DBT: variants seen among roughly 807,000 people sequenced by gnomAD.
The protein encoded by DBT is dihydrolipoamide branched chain transacylase E2.
In DBT, 40 loss-of-function variants were observed where a neutral mutation model predicts 51.3. The ratio of observed to expected loss-of-function variants is 0.78; its 90% confidence interval spans 0.61 to 1.02. DBT has a LOEUF of 1.02. DBT is among the 50% of genes least tolerant of loss of function. The pLI is 0.00. For missense variants in DBT, 510 were observed against 580.2 expected (o/e 0.88, Z 1.24); for synonymous variants, 181 against 190.4 (o/e 0.95, Z 0.41).
intron 10 of DBT, among the ~76,000 whole-genome samples, chr1:100,201,093 A>G (rs532091235): frequency 1.3e-5 from 2 of 152,214 alleles, no homozygotes; most frequent in Admixed American, 1.3e-4. Flanking sequence ...TTCAGGTAAT[A>G]ACAAACTCCT....
chr1:100,221,159 T>C (rs1242143573), intron 4 of DBT, among the ~76,000 whole-genome samples: 1 of 152,218 alleles, frequency 6.6e-6, no homozygotes, highest in Admixed American at 6.5e-5. Context: ...ATATATTACC[T>C]ACATAGTACT....
intron 10 of DBT, among the ~76,000 whole-genome samples, chr1:100,205,075 G>A (rs531413905): frequency 2.0e-5 from 3 of 152,260 alleles, no homozygotes; most frequent in African/African-American, 4.8e-5. Context: ...ATCACCAAAA[G>A]CAATTGCAAC....
chr1:100,229,581 T>C (rs1351933096), intron 4 of DBT, among the ~76,000 whole-genome samples: 1 of 152,174 alleles, frequency 6.6e-6, no homozygotes, highest in Non-Finnish European at 1.5e-5. Flanking sequence ...AAAAAAAAGA[T>C]TGTAATATTA....
intron 2 of DBT, among the ~76,000 whole-genome samples, chr1:100,236,769 A>AT (rs1339998269): frequency 6.6e-6 from 1 of 152,242 alleles, no homozygotes; most frequent in Non-Finnish European, 1.5e-5. Flanking sequence ...ACACAAAAAC[A>AT]AGAAAATATA....
At chr1:100,211,210 A>G in intron 7 of DBT, 4 of 711,184 alleles carry the variant, frequency 5.6e-6, no homozygotes, top group Non-Finnish European at 1.0e-5. Flanking sequence ...CGCACTGACC[A>G]GTAGATGCCA....
chr1:100,210,915 A>G, intron 7 of DBT, 144 bp from the exon 8 acceptor site: 1 of 1,519,594 alleles, frequency 6.6e-7, no homozygotes, highest in Non-Finnish European at 8.9e-7. Context: ...GTACCTAGTC[A>G]CATTACTGCC....
rs1381469477 is a variant in DBT at position 100,192,713 on chromosome 1, C to G, written c.*3542G>C. On this transcript the variant is annotated 3_prime_UTR_variant, in exon 11 of 11. Transcript: ENST00000370132. ...CATTTTGATCTCTAAAATATAAATT[C>G]ATACCAATTTTAGCTTCCATCCTCA... 1 of 152,170 alleles carries G rather than the reference C, an allele frequency of 6.6e-6. No homozygotes were observed. The highest frequency in any genetic ancestry group is 2.4e-5 in the African/African-American group (1 of 41,430). 9.4% of individuals were successfully genotyped at this position (152,170 alleles called of 1,614,324 possible).
At position 100,218,718 on chromosome 1, in the gene DBT, C is replaced by A. The variant is rs775069181; in HGVS notation, c.463G>T (p.Ala155Ser). ...TGTGTATGTTCATCATGAGACACTG[C>A]AGGAGTTTCAACAACATCTTCTTCT... ...DSEEDVVETP[A>S]VSHDEHTHQE... Residue 155 changes from alanine (A) to serine (S), a missense_variant, in exon 5 of 11, where the codon GCA becomes TCA. Transcript: ENST00000370132. 1 of 1,613,798 alleles carries A rather than the reference C, an allele frequency of 6.2e-7. No individual in the cohort carries two copies. The highest frequency in any genetic ancestry group is 1.1e-5 in the South Asian group (1 of 91,058).
intron 4 of DBT, among the ~76,000 whole-genome samples, chr1:100,224,843 C>G (rs373068315): frequency 1.3e-5 from 2 of 151,006 alleles, no homozygotes; most frequent in Non-Finnish European, 3.0e-5. Flanking sequence ...GGTGAAACCC[C>G]GTCTCTACTA....
intron 7 of DBT, 77 bp downstream of exon 7, chr1:100,214,740 G>A: frequency 6.7e-7 from 1 of 1,494,448 alleles, no homozygotes; most frequent in African/African-American, 1.4e-5. Context: ...GGTGACAAGA[G>A]CAAAACTCTG....
intron 10 of DBT, among the ~76,000 whole-genome samples, chr1:100,204,695 C>A (rs1202201285): frequency 2.0e-5 from 3 of 152,106 alleles, no homozygotes; most frequent in Non-Finnish European, 2.9e-5. Flanking sequence ...TGCTACCTGA[C>A]CTCAAACTAT....
At chr1:100,233,857 C>A (rs1302340256) in intron 3 of DBT, among the ~76,000 whole-genome samples, 1 of 152,172 alleles carries the variant, frequency 6.6e-6, no homozygotes, top group East Asian at 1.9e-4. Flanking sequence ...TTGTGGAATG[C>A]TGAGAAAGGT....
At chr1:100,227,620 T>G (rs924756575) in intron 4 of DBT, among the ~76,000 whole-genome samples, 1 of 152,148 alleles carries the variant, frequency 6.6e-6, no homozygotes, top group Non-Finnish European at 1.5e-5. Flanking sequence ...ATTTTCTGGT[T>G]ACAAAAGGGG....
At position 100,188,337 on chromosome 1, in the gene DBT, T is replaced by G. The variant is rs1457728423; in HGVS notation, c.*7918A>C. On this transcript the variant is annotated 3_prime_UTR_variant, in exon 11 of 11. Coordinates refer to ENST00000370132, the MANE Select transcript of DBT (RefSeq NM_001918.5). ...ACTACAGTTTGAACTCCAGCTACAT[T>G]TTTCTAAGAAATTAAATTGCTAGGT... 1 of 152,250 alleles carries G rather than the reference T, an allele frequency of 6.6e-6. No homozygotes were observed. Among genetic ancestry groups the G allele is most frequent in the Non-Finnish European group, 1.5e-5 (1 of 68,048 alleles). 9.4% of individuals were successfully genotyped at this position (152,250 alleles called of 1,614,324 possible). A position where few individuals can be genotyped will look rare whatever the true frequency, so the allele number is the denominator to read the frequency against.
chr1:100,201,492 T>G (rs114204888), intron 10 of DBT, among the ~76,000 whole-genome samples: 5,810 of 152,206 alleles, frequency 0.038, 132 homozygotes, highest in South Asian at 0.053. Flanking sequence ...AGGATACTAT[T>G]CAGGAAAACT....
Position 100,192,571 on chromosome 1 carries a change from C to CT in DBT, c.*3683dup, listed in dbSNP as rs1660860960. ...TCCATCAAGTGATTTTGGGGATCCA[C>CT]TTTGAGTGGGAAGCCATGAGAAATG... On this transcript the variant is annotated 3_prime_UTR_variant, in exon 11 of 11. Transcript: ENST00000370132. 3.3e-5 allele frequency: 5 copies of CT among 152,332 alleles called. No homozygotes were observed. In the South Asian group the frequency reaches 1.0e-3, roughly 32 times the overall value. The allele number at this position is 152,332 out of a possible 1,614,324, so 9.4% of individuals were successfully genotyped here. A position where few individuals can be genotyped will look rare whatever the true frequency, so the allele number is the denominator to read the frequency against.
chr1:100,229,669 T>G (rs1228448685), intron 4 of DBT, among the ~76,000 whole-genome samples: 4 of 152,228 alleles, frequency 2.6e-5, no homozygotes, highest in Non-Finnish European at 5.9e-5. Context: ...TACAGTGAGA[T>G]ATCTTTATCT....
At chr1:100,205,856 C>T (rs772828680) in intron 10 of DBT, among the ~76,000 whole-genome samples, 2 of 151,946 alleles carry the variant, frequency 1.3e-5, no homozygotes, top group Non-Finnish European at 2.9e-5. Flanking sequence ...TGTTCTCACT[C>T]ATAAGTGGGA....
chr1:100,213,401 C>A (rs981876339), intron 7 of DBT: 9 of 1,569,370 alleles, frequency 5.7e-6, no homozygotes, highest in African/African-American at 5.4e-5. Context: ...CCCCGCCGCG[C>A]CCCCGCAGCC....
Sources: allele counts gnomAD v4.1 joint callset (sites outside exome capture counted in the v4.1 genomes callset), GRCh38; gene constraint gnomAD v4.1.1; transcripts MANE v1.5; gene names NCBI Gene and HGNC (gene_info 2026-07-23, HGNC 2026-07-21).